SCOC: variants seen among roughly 807,000 people sequenced by gnomAD.
SCOC encodes the protein short coiled coil protein.
SCOC carries 7 observed loss-of-function variants against 9.9 expected under a neutral mutation model. The observed-to-expected ratio is 0.71, with a 90% CI of 0.40 to 1.33. SCOC has a LOEUF of 1.33. SCOC is among the 40% of genes most tolerant of loss of function. The pLI, the probability that SCOC is intolerant of heterozygous loss-of-function variation, is 0.01. For synonymous variants in SCOC, 19 were observed against 28.2 expected, an observed-to-expected ratio of 0.67 and a Z score of 1.03; for missense variants, 66 against 89.7, an observed-to-expected ratio of 0.74 and a Z score of 1.07.
At chr4:140,279,573 G>A (rs962568485) in intron 1 of SCOC, among the ~76,000 whole-genome samples, 3 of 152,082 alleles carry the variant, frequency 2.0e-5, no homozygotes, top group South Asian at 4.1e-4. Flanking sequence ...GCTTCGATTC[G>A]ATTCTTGTGA....
In SCOC at chr4:140,366,179, CTTTCTT is replaced by C. The variant is rs1438479620; in HGVS notation, c.71-12938_71-12933del. On this transcript the variant is annotated intron_variant, in intron 2 of 4. Coordinates refer to the SCOC transcript ENST00000338517. ...CAATCTTGGGTGCCTCCTTTTCTTT[CTTTCTT>C]TTTTTTTTTTTTTTCCCAAATAGAA... 1,078 of 604,982 alleles carry C rather than the reference CTTTCTT, an allele frequency of 1.8e-3. 4 individuals are homozygous for C. Among genetic ancestry groups the C allele is most frequent in the East Asian group, 3.8e-3 (100 of 26,138 alleles). 37.5% of individuals were successfully genotyped at this position (604,982 alleles called of 1,614,324 possible).
At chr4:140,263,072 A>G (rs1730665789) in intron 1 of SCOC, among the ~76,000 whole-genome samples, 1 of 152,204 alleles carries the variant, frequency 6.6e-6, no homozygotes, top group Admixed American at 6.5e-5. Context: ...ATTTTCTTAG[A>G]GTAACTGTTT....
Position 140,346,775 on chromosome 4 carries a change from C to G in SCOC, c.70+3067C>G, listed in dbSNP as rs1022110821. On this transcript the variant is annotated intron_variant, in intron 2 of 4. Coordinates refer to the SCOC transcript ENST00000338517. ...CATTACAAATGATAGGATTCCAGAC[C>G]TGTCCATGCCATCTAACCACATGGC... Among the ~76,000 whole-genome samples the G allele has an allele frequency of 2.0e-5, 3 of 151,846 alleles. No homozygotes were observed. In the East Asian group the frequency reaches 5.8e-4, roughly 29 times the overall value.
At chr4:140,372,145 A>G (rs546430541), upstream of SCOC, among the ~76,000 whole-genome samples, 1 of 152,244 alleles carries the variant, frequency 6.6e-6, no homozygotes, top group Non-Finnish European at 1.5e-5. Context: ...TAATAGGTAT[A>G]CAGTTTTAGT....
chr4:140,368,932 G>A (rs1477338410), upstream of SCOC, among the ~76,000 whole-genome samples: 3 of 151,028 alleles, frequency 2.0e-5, no homozygotes, highest in Non-Finnish European at 3.0e-5. Flanking sequence ...GGAGTCTCAC[G>A]TTTTTATTCT....
chr4:140,352,100 G>A (rs914283137), intron 2 of SCOC, among the ~76,000 whole-genome samples: 4 of 152,338 alleles, frequency 2.6e-5, no homozygotes, highest in East Asian at 3.9e-4. Context: ...CTGGCTGAGC[G>A]TGTTCTGGTC....
At chr4:140,274,822 C>T (rs1042419368) in intron 1 of SCOC, among the ~76,000 whole-genome samples, 1 of 152,348 alleles carries the variant, frequency 6.6e-6, no homozygotes, top group Middle Eastern at 3.4e-3. Flanking sequence ...CCAAGCTTCT[C>T]GGCAATTCAG....
chr4:140,302,601 T>C (rs1358034642), intron 1 of SCOC, among the ~76,000 whole-genome samples: 1 of 152,234 alleles, frequency 6.6e-6, no homozygotes, highest in African/African-American at 2.4e-5. Flanking sequence ...CCAGATACTA[T>C]TTCTAGTCCT....
chr4:140,298,827 A>G (rs1731726501), intron 1 of SCOC, among the ~76,000 whole-genome samples: 1 of 152,126 alleles, frequency 6.6e-6, no homozygotes, highest in African/African-American at 2.4e-5. Context: ...CATTATTATT[A>G]TTTTCTGAGA....
intron 1 of SCOC, 164 bp downstream of exon 1, chr4:140,373,881 C>T: frequency 1.3e-6 from 1 of 784,364 alleles, no homozygotes; most frequent in Non-Finnish European, 2.2e-6. Context: ...GCGGCGGAGG[C>T]CTGGCTCCCG....
chr4:140,366,775 T>G, intron 2 of SCOC: 1 of 1,411,120 alleles, frequency 7.1e-7, no homozygotes, highest in Non-Finnish European at 1.0e-6. Context: ...ATCAATAACA[T>G]CTACAGTTGC....
chr4:140,305,171 C>T (rs896020282), intron 1 of SCOC, among the ~76,000 whole-genome samples: 2 of 152,120 alleles, frequency 1.3e-5, no homozygotes, highest in Non-Finnish European at 2.9e-5. Flanking sequence ...CTGACCAAAC[C>T]CTGTGCCTGG....
At chr4:140,309,392 G>A (rs1173440787) in intron 1 of SCOC, among the ~76,000 whole-genome samples, 1 of 152,190 alleles carries the variant, frequency 6.6e-6, no homozygotes, top group Non-Finnish European at 1.5e-5. Context: ...GTCACTGATA[G>A]GTGATGGGAA....
intron 1 of SCOC, among the ~76,000 whole-genome samples, chr4:140,306,046 G>A (rs1731971491): frequency 6.6e-6 from 1 of 152,142 alleles, no homozygotes; most frequent in African/African-American, 2.4e-5. Flanking sequence ...GTATTAGTCT[G>A]TACTCATGCT....
chr4:140,287,332 T>C (rs190122247), intron 1 of SCOC, among the ~76,000 whole-genome samples: 72 of 141,830 alleles, frequency 5.1e-4, no homozygotes, highest in African/African-American at 1.7e-3. Flanking sequence ...TTTACACACA[T>C]ACTAAACACA....
At chr4:140,366,750 C>T in intron 2 of SCOC, 1 of 1,535,664 alleles carries the variant, frequency 6.5e-7, no homozygotes, top group Non-Finnish European at 9.0e-7. Flanking sequence ...GTCCATCAAC[C>T]AAAGCCCTGT....
chr4:140,377,858 C>A (rs765745363), intron 1 of SCOC, among the ~76,000 whole-genome samples: 1 of 152,120 alleles, frequency 6.6e-6, no homozygotes, highest in Non-Finnish European at 1.5e-5. Flanking sequence ...GGAGGCATAA[C>A]AATGCCTTGG....
At chr4:140,259,868 G>C (rs1179575463) in intron 1 of SCOC, among the ~76,000 whole-genome samples, 3 of 152,234 alleles carry the variant, frequency 2.0e-5, no homozygotes, top group African/African-American at 7.2e-5. Context: ...CGCCATTCTT[G>C]ATTAAACCTC....
intron 2 of SCOC, among the ~76,000 whole-genome samples, chr4:140,351,454 A>G (rs905573798): frequency 3.3e-5 from 5 of 151,932 alleles, no homozygotes; most frequent in Admixed American, 6.6e-5. Flanking sequence ...CCTCTCCTTT[A>G]TGCCTCAGCC....
Sources: allele counts gnomAD v4.1 joint callset (sites outside exome capture counted in the v4.1 genomes callset), GRCh38; gene constraint gnomAD v4.1.1; transcripts MANE v1.5; gene names NCBI Gene and HGNC (gene_info 2026-07-23, HGNC 2026-07-21).